MPP7: variants seen among roughly 807,000 people sequenced by gnomAD.
The protein encoded by MPP7 is MAGUK p55 subfamily member 7.
A neutral mutation model predicts 76.5 loss-of-function variants in MPP7; 60 were observed. The ratio of observed to expected loss-of-function variants is 0.78; its 90% CI spans 0.64 to 0.97. The LOEUF (loss-of-function observed/expected upper bound fraction) is 0.97. Among genes scored for constraint, MPP7 ranks in the 50% least tolerant of loss-of-function variants. The pLI is 0.00. For synonymous variants in MPP7, 237 were observed against 244.5 expected, an observed-to-expected ratio of 0.97 and a Z score of 0.29; for missense variants, 641 against 694.0, an observed-to-expected ratio of 0.92 and a Z score of 0.86.
chr10:28,071,374 A>AT (rs1178990096), intron 12 of MPP7, among the ~76,000 whole-genome samples: 1 of 152,142 alleles, frequency 6.6e-6, no homozygotes, highest in Non-Finnish European at 1.5e-5. Context: ...CTCTAATGCC[A>AT]TTTCTAGGTC....
At chr10:28,105,560 T>C (rs1415993864) in intron 11 of MPP7, among the ~76,000 whole-genome samples, 1 of 152,206 alleles carries the variant, frequency 6.6e-6, no homozygotes, top group Non-Finnish European at 1.5e-5. Context: ...CAGGCTGGAA[T>C]GCAATGGCGC....
intron 2 of MPP7, among the ~76,000 whole-genome samples, chr10:28,218,034 C>A (rs900815637): frequency 6.6e-6 from 1 of 152,152 alleles, no homozygotes; most frequent in African/African-American, 2.4e-5. Flanking sequence ...GGAGACTTTA[C>A]GCCTAAATGA....
Position 28,121,901 on chromosome 10 carries a change from G to A in MPP7, c.616-1233C>T, listed in dbSNP as rs180804906. Among the ~76,000 whole-genome samples the A allele has an allele frequency of 1.9e-3, 294 of 152,208 alleles. 1 individual carries two copies. The highest frequency in any genetic ancestry group is 3.1e-3 in the Non-Finnish European group (210 of 68,022). On this transcript the variant is annotated intron_variant, in intron 8 of 16. Coordinates refer to ENST00000683449, the MANE Select transcript of MPP7 (RefSeq NM_001318170.2). ...ATAGTCAATTTCAATTCACCAGCAT[G>A]AAGTTGCTGAAAGCTGAGTTGGGAA...
chr10:28,166,933 T>G (rs1029722851), intron 3 of MPP7, among the ~76,000 whole-genome samples: 2 of 152,190 alleles, frequency 1.3e-5, no homozygotes, highest in African/African-American at 4.8e-5. Flanking sequence ...CATAATACTT[T>G]GTTCTGCAGA....
intron 5 of MPP7, 59 bp from the exon 6 acceptor site, chr10:28,131,750 A>G: frequency 1.1e-6 from 1 of 898,696 alleles, no homozygotes; most frequent in South Asian, 3.5e-5. Context: ...TATTATATGT[A>G]ATATATATAA....
chr10:28,081,617 G>A (rs1465211820), intron 12 of MPP7, among the ~76,000 whole-genome samples: 1 of 151,942 alleles, frequency 6.6e-6, no homozygotes, highest in Non-Finnish European at 1.5e-5. Context: ...ATTATTTCTT[G>A]ATCATTAAAT....
intron 2 of MPP7, chr10:28,203,029 C>T (rs1194051455): frequency 6.6e-6 from 1 of 152,272 alleles, no homozygotes; most frequent in African/African-American, 2.4e-5. Flanking sequence ...GCCCGTCACA[C>T]TCCTGTCCAA....
At chr10:28,242,955 G>A (rs755839503) in intron 1 of MPP7, among the ~76,000 whole-genome samples, 12 of 152,146 alleles carry the variant, frequency 7.9e-5, no homozygotes, top group Non-Finnish European at 1.2e-4. Context: ...TTAACATCCT[G>A]TGTGAATAAG....
intron 1 of MPP7, among the ~76,000 whole-genome samples, chr10:28,271,894 G>A (rs1216533477): frequency 1.3e-5 from 2 of 152,132 alleles, no homozygotes; most frequent in Non-Finnish European, 2.9e-5. Flanking sequence ...AGAATCACTT[G>A]AACCTGGGAG....
rs953097478 is a variant in MPP7 at position 28,051,910 on chromosome 10, C to G, written c.*2155G>C. ...CAAAAAAAAAAAAAAAAGTATACTA[C>G]CTGATTTCTAAAATTACCAAAGTGC... On this transcript the variant is annotated 3_prime_UTR_variant, in exon 17 of 17. Coordinates refer to ENST00000683449, the MANE Select transcript of MPP7 (RefSeq NM_001318170.2). 1 of 151,710 alleles carries G rather than the reference C, an allele frequency of 6.6e-6. No homozygotes were observed. The highest frequency in any genetic ancestry group is 1.5e-5 in the Non-Finnish European group (1 of 68,064). 9.4% of individuals were successfully genotyped at this position (151,710 alleles called of 1,614,324 possible). A position where few individuals can be genotyped will look rare whatever the true frequency, so the allele number is the denominator to read the frequency against.
intron 1 of MPP7, among the ~76,000 whole-genome samples, chr10:28,263,267 G>A (rs1322853423): frequency 6.6e-6 from 1 of 152,118 alleles, no homozygotes; most frequent in Non-Finnish European, 1.5e-5. Flanking sequence ...TCTGGTAGCA[G>A]CCAATCTTGA....
chr10:28,164,668 ATTT>A (rs71391014), intron 3 of MPP7, among the ~76,000 whole-genome samples: 3 of 151,212 alleles, frequency 2.0e-5, no homozygotes, highest in Non-Finnish European at 2.9e-5. Flanking sequence ...ACATTATGAG[ATTT>A]TTTTTTTTCA....
chr10:28,195,392 A>G (rs1311993530), intron 3 of MPP7, among the ~76,000 whole-genome samples: 4 of 152,162 alleles, frequency 2.6e-5, no homozygotes, highest in Non-Finnish European at 5.9e-5. Context: ...TCCTAGATAC[A>G]TACCCAGGAG....
intron 5 of MPP7, among the ~76,000 whole-genome samples, chr10:28,146,567 C>G (rs556306856): frequency 1.3e-5 from 2 of 151,834 alleles, no homozygotes; most frequent in South Asian, 2.1e-4. Context: ...TGTTTTTAAC[C>G]TCATCTTTTA....
At position 28,054,074 on chromosome 10, in the gene MPP7, T is replaced by A. The variant is rs749644652; in HGVS notation, c.1722A>T (p.Leu574Phe). The change falls in exon 17 of 17, where the codon TTA (leucine) becomes TTT (phenylalanine). Residue 574 changes from leucine (L) to phenylalanine (F), a missense_variant. Transcript: ENST00000683449. ...TETHWVPVSW[L>F]HS ...TGGAAATTTCTCTTAGTTATGAATGTAACCAGCTCACTGGCACCCAATGGG... is the reference window on the plus strand; with the variant it reads ...TGGAAATTTCTCTTAGTTATGAATGAAACCAGCTCACTGGCACCCAATGGG... 5.0e-6 allele frequency: 8 copies of A among 1,612,418 alleles called. No homozygotes were observed. The highest frequency in any genetic ancestry group is 6.8e-6 in the Non-Finnish European group (8 of 1,179,364).
Position 28,329,650 on chromosome 10 carries a change from AAAC to A in MPP7, c.-132+276_-132+278del, listed in dbSNP as rs1157746145. 5.5e-3 allele frequency among the ~76,000 whole-genome samples: 791 copies of A among 144,588 alleles called. 6 individuals are homozygous for A. Among genetic ancestry groups the A allele is most frequent in the African/African-American group, 0.02 (760 of 37,904 alleles). 94.9% of individuals were successfully genotyped at this position (144,588 alleles called of 152,430 possible). ...CGTCTCAAAAAAAAAAAAAAAAAAA[AAAC>A]CACTACTTTACTAATACTTTTCTAA... is the stretch of plus-strand genomic sequence containing the variant. On this transcript the variant is annotated intron_variant, in intron 2 of 11. Transcript: ENST00000441595.
intron 1 of MPP7, among the ~76,000 whole-genome samples, chr10:28,260,437 T>A (rs1008207812): frequency 3.9e-5 from 6 of 152,110 alleles, no homozygotes; most frequent in African/African-American, 1.4e-4. Flanking sequence ...ATCTAAAACA[T>A]ATGAAAATAC....
chr10:28,061,223 C>A (rs1851773307), intron 13 of MPP7, among the ~76,000 whole-genome samples: 1 of 151,338 alleles, frequency 6.6e-6, no homozygotes. Flanking sequence ...CAGATAGCAA[C>A]CCTGAATGAC....
At chr10:28,295,442 A>G (rs1038821679) in intron 1 of MPP7, among the ~76,000 whole-genome samples, 4 of 152,190 alleles carry the variant, frequency 2.6e-5, no homozygotes, top group African/African-American at 9.7e-5. Flanking sequence ...GAAAAAAACA[A>G]TATTTTGAAT....
Sources: gnomAD v4.1 joint callset for allele counts (sites outside exome capture counted in the v4.1 genomes callset) on GRCh38, gnomAD v4.1.1 for gene constraint, MANE v1.5 for transcripts, NCBI Gene and HGNC (gene_info 2026-07-23, HGNC 2026-07-21) for gene names.